C2CD3: variants seen among roughly 807,000 people sequenced by gnomAD.
C2CD3 encodes the protein C2 domain-containing protein 3.
Under a neutral mutation model 234.0 loss-of-function variants are expected in C2CD3, and 148 were observed. That is an observed-to-expected ratio of 0.63 (90% CI 0.55 to 0.72). The LOEUF (loss-of-function observed/expected upper bound fraction) is 0.72. Among genes scored for constraint, C2CD3 ranks in the 30% least tolerant of loss-of-function variants. C2CD3 has a pLI of 0.00. For missense variants in C2CD3, 2,577 were observed against 2,811.5 expected, an observed-to-expected ratio of 0.92 and a Z score of 1.89; for synonymous variants, 1,000 against 1,035.4, an observed-to-expected ratio of 0.97 and a Z score of 0.66.
rs1183766006 is a variant in C2CD3 at position 74,116,856 on chromosome 11, GTATATACACGTGTATATGTA to G, written c.1520+1352_1520+1371del. ...TGTGTATATATACACGTGTATATGT[GTATATACACGTGTATATGTA>G]TATATACACACGTGTATATATACAC... is the stretch of plus-strand genomic sequence containing the variant. On this transcript the variant is annotated intron_variant, in intron 9 of 32. Coordinates refer to ENST00000334126, the MANE Select transcript of C2CD3 (RefSeq NM_001286577.2). Among the ~76,000 whole-genome samples, 55 of 128,972 alleles carry G rather than the reference GTATATACACGTGTATATGTA, an allele frequency of 4.3e-4. 1 individual carries two copies. The East Asian group carries it at 0.01, about 23-fold the overall frequency. 84.6% of individuals were successfully genotyped at this position (128,972 alleles called of 152,430 possible).
intron 24 of C2CD3, among the ~76,000 whole-genome samples, chr11:74,063,122 A>G (rs574192516): frequency 6.6e-6 from 1 of 152,354 alleles, no homozygotes; most frequent in African/African-American, 2.4e-5. Context: ...AGGTTCTGAA[A>G]TTGAGGCAAT....
chr11:74,109,146 T>G lies in C2CD3; in HGVS notation c.1850A>C (p.Lys617Thr), dbSNP rs751464548. 1.9e-6 allele frequency: 3 copies of G among 1,556,342 alleles called. No individual in the cohort carries two copies. The highest frequency in any genetic ancestry group is 2.6e-6 in the Non-Finnish European group (3 of 1,148,314). Reference protein sequence around the residue: ...ASSKITDGKVKFQQRFVFPVQ... With the variant: ...ASSKITDGKVTFQQRFVFPVQ... ...TGGAAACACAAATCGCTGCTGGAAC[T>G]TCACCTCTGTAAGGAGAACCAGACA... Residue 617 changes from lysine (K) to threonine (T), a missense_variant, in exon 12 of 33, where the codon AAG becomes ACG. Transcript: ENST00000334126.
At chr11:74,139,512 G>T in intron 4 of C2CD3, 93 bp downstream of exon 4, 1 of 950,248 alleles carries the variant, frequency 1.1e-6, no homozygotes, top group Non-Finnish European at 1.7e-6. Context: ...TCTCTCTGCT[G>T]TTAATCTTTT....
rs1251259043 is a variant in C2CD3, at chr11:74,057,527, G to A, written c.4969C>T (p.Arg1657Trp). 8 of 1,613,934 alleles carry A rather than the reference G, an allele frequency of 5.0e-6. No homozygotes were observed. The highest frequency in any genetic ancestry group is 2.7e-5 in the African/African-American group (2 of 74,900). ...CAACAACTGGGTATCGATACTTTCC[G>A]CTCTGTCAAGGGGCTCCCTGAAATA... Reference protein sequence around the residue: ...LSLKGSPLTERKVSIPSCCVS... With the variant: ...LSLKGSPLTEWKVSIPSCCVS... The change falls in exon 25 of 33, where the codon CGG becomes TGG. Residue 1657 changes from arginine to tryptophan, a missense_variant. Physicochemically the swap from Arg to Trp is moderately radical, Grantham distance 101. Transcript: ENST00000334126.
intron 20 of C2CD3, 132 bp downstream of exon 20, chr11:74,090,681 A>G: frequency 1.0e-6 from 1 of 985,474 alleles, no homozygotes; most frequent in South Asian, 1.5e-5. Flanking sequence ...GAAATGCTTT[A>G]TTAACAGAAA....
intron 24 of C2CD3, among the ~76,000 whole-genome samples, chr11:74,071,354 C>T (rs572221579): frequency 6.6e-6 from 1 of 152,294 alleles, no homozygotes; most frequent in African/African-American, 2.4e-5. Flanking sequence ...GATTTCCACC[C>T]TGCAGTGATA....
intron 11 of C2CD3, among the ~76,000 whole-genome samples, chr11:74,109,757 A>G (rs748891864): frequency 1.3e-5 from 2 of 152,114 alleles, no homozygotes; most frequent in Non-Finnish European, 2.9e-5. Context: ...GCTCATGGCC[A>G]TGGAGTTTTA....
Position 74,074,616 on chromosome 11 carries a change from GA to G in C2CD3, c.4604-17del, listed in dbSNP as rs1379506955. 21 of 1,588,406 alleles carry G rather than the reference GA, an allele frequency of 1.3e-5. No homozygotes were observed. Among genetic ancestry groups the G allele is most frequent in the Non-Finnish European group, 1.8e-5 (21 of 1,164,596 alleles). On this transcript the variant is annotated splice_polypyrimidine_tract_variant and intron_variant, in intron 23 of 32. Coordinates refer to ENST00000334126, the MANE Select transcript of C2CD3 (RefSeq NM_001286577.2). Reference sequence around the variant, plus strand: ...GGATACACACCTAAAAGAAGATGGAGAAGAATAAGGCTAGTCAAGCAGGAAC... The same window carrying G: ...GGATACACACCTAAAAGAAGATGGAGAGAATAAGGCTAGTCAAGCAGGAAC...
chr11:74,042,108 T>C lies in C2CD3; in HGVS notation c.5606A>G (p.Asp1869Gly). ...LQGEAPLPCD[D>G]KLTTSPLSSQ... Reference sequence around the variant, plus strand: ...GGACAAAGGTGATGTGGTCAGTTTGTCATCACATGGCAAGGGTGCCTCTCC... The same window carrying C: ...GGACAAAGGTGATGTGGTCAGTTTGCCATCACATGGCAAGGGTGCCTCTCC... The change falls in exon 29 of 33, where the codon GAC (aspartate) becomes GGC (glycine). Residue 1869 changes from aspartate (D) to glycine (G), a missense_variant. By Grantham distance (94) the Asp-to-Gly change is moderately conservative. Coordinates refer to ENST00000334126, the MANE Select transcript of C2CD3 (RefSeq NM_001286577.2). The C allele has an allele frequency of 1.2e-6, 2 of 1,613,884 alleles. No homozygotes were observed. Among genetic ancestry groups the C allele is most frequent in the Non-Finnish European group, 1.7e-6 (2 of 1,180,000 alleles).
chr11:74,163,807 G>A (rs2135573110), intron 2 of C2CD3, among the ~76,000 whole-genome samples: 1 of 152,272 alleles, frequency 6.6e-6, no homozygotes, highest in African/African-American at 2.4e-5. Flanking sequence ...AGTCATATGA[G>A]CAAATAGATA....
rs764033852 is a variant in C2CD3 at position 74,103,529 on chromosome 11, T to C, written c.2182A>G (p.Ser728Gly). The change falls in exon 14 of 33, where the codon AGT becomes GGT. Residue 728 changes from serine to glycine, a missense_variant. Coordinates refer to ENST00000334126, the MANE Select transcript of C2CD3 (RefSeq NM_001286577.2). ...THYTPLCAPT[S>G]PNKALPELNQ... ...AGTTCTGGTAGTGCCTTATTTGGAC[T>C]TGTAGGAGCACAAAGTGGGGTATAA... is the stretch of plus-strand genomic sequence containing the variant. The C allele has an allele frequency of 2.5e-6, 4 of 1,614,036 alleles. No homozygotes were observed. The highest frequency in any genetic ancestry group is 2.7e-5 in the African/African-American group (2 of 74,936).
chr11:74,018,283 C>A (rs905775584), intron 32 of C2CD3, among the ~76,000 whole-genome samples: 1 of 152,142 alleles, frequency 6.6e-6, no homozygotes, highest in Non-Finnish European at 1.5e-5. Context: ...TGTTCTCAGA[C>A]CCCATCCCTG....
At chr11:74,159,395 A>C (rs911816743) in intron 3 of C2CD3, among the ~76,000 whole-genome samples, 1 of 152,170 alleles carries the variant, frequency 6.6e-6, no homozygotes, top group Non-Finnish European at 1.5e-5. Context: ...ATCATAGGAG[A>C]TGACAGCTCC....
intron 32 of C2CD3, among the ~76,000 whole-genome samples, chr11:74,019,422 T>C (rs1010246866): frequency 6.6e-6 from 1 of 152,234 alleles, no homozygotes; most frequent in Non-Finnish European, 1.5e-5. Flanking sequence ...ACTTTGACCT[T>C]TAGGTCTCTC....
Position 74,074,471 on chromosome 11 carries a change from C to G in C2CD3, c.4733G>C (p.Ser1578Thr). 6.2e-7 allele frequency: 1 copy of G among 1,614,200 alleles called. No homozygotes were observed. Among genetic ancestry groups the G allele is most frequent in the Non-Finnish European group, 8.5e-7 (1 of 1,180,024 alleles). Residue 1578 changes from serine to threonine, a missense_variant, in exon 24 of 33, where the codon AGC (serine) becomes ACC (threonine). By Grantham distance (58) the Ser-to-Thr change is moderately conservative. Transcript: ENST00000334126. ...THELDSMDCSSHSESEQLPRR... is the reference protein window; with the variant it reads ...THELDSMDCSTHSESEQLPRR... ...GGGGAGCTGCTCAGACTCACTGTGG[C>G]TGCTGCAGTCCATGGAGTCCAGCTC... is the stretch of plus-strand genomic sequence containing the variant.
intron 3 of C2CD3, among the ~76,000 whole-genome samples, chr11:74,153,676 A>G (rs977170258): frequency 3.3e-5 from 5 of 152,172 alleles, no homozygotes; most frequent in African/African-American, 1.2e-4. Context: ...TTTTTTATGG[A>G]AATCAACAAG....
intron 2 of C2CD3, among the ~76,000 whole-genome samples, chr11:74,162,525 A>T (rs1031532907): frequency 3.9e-5 from 6 of 152,200 alleles, no homozygotes; most frequent in Non-Finnish European, 8.8e-5. Context: ...AGATAACAAA[A>T]CTATCTGGAA....
chr11:74,129,396 G>A (rs1414842132), intron 7 of C2CD3: 14 of 174,014 alleles, frequency 8.0e-5, no homozygotes, highest in South Asian at 3.4e-4. Context: ...CCTCCCAGAC[G>A]GGGTCGCGGC....
chr11:74,091,071 C>T (rs1324872960), intron 19 of C2CD3, 135 bp from the exon 20 acceptor site: 2 of 804,068 alleles, frequency 2.5e-6, no homozygotes, highest in East Asian at 2.7e-5. Context: ...AGAATCTGTC[C>T]TTGTCATAAT....
Sources: allele counts gnomAD v4.1 joint callset (sites outside exome capture counted in the v4.1 genomes callset), GRCh38; gene constraint gnomAD v4.1.1; transcripts MANE v1.5; gene names NCBI Gene and HGNC (gene_info 2026-07-23, HGNC 2026-07-21).